SULF1: variants seen among roughly 807,000 people sequenced by gnomAD.
SULF1 encodes extracellular sulfatase Sulf-1.
Under a neutral mutation model 110.5 loss-of-function variants are expected in SULF1, and 46 were observed. The ratio of observed to expected loss-of-function variants is 0.42; its 90% CI spans 0.33 to 0.53. The LOEUF is 0.53. SULF1 is among the 20% of genes least tolerant of loss of function. SULF1 has a pLI of 0.12. For synonymous variants in SULF1, 371 were observed against 387.1 expected, an observed-to-expected ratio of 0.96 and a Z score of 0.49; for missense variants, 941 against 1,094.2, an observed-to-expected ratio of 0.86 and a Z score of 1.98.
intron 1 of SULF1, among the ~76,000 whole-genome samples, chr8:69,469,933 T>C (rs369801200): frequency 5.9e-5 from 9 of 152,176 alleles, no homozygotes; most frequent in African/African-American, 2.2e-4. Flanking sequence ...TCCCAGCTAC[T>C]TGGGAGTCTG....
chr8:69,565,375 A>T (rs1554578901), intron 5 of SULF1, among the ~76,000 whole-genome samples: 4 of 152,146 alleles, frequency 2.6e-5, no homozygotes, highest in Non-Finnish European at 5.9e-5. Flanking sequence ...AGAGCAAGTA[A>T]TTTTAGCTTT....
intron 3 of SULF1, among the ~76,000 whole-genome samples, chr8:69,561,963 A>T (rs1483375212): frequency 6.6e-6 from 1 of 152,238 alleles, no homozygotes; most frequent in Admixed American, 6.5e-5. Flanking sequence ...CATGTACAGC[A>T]ATCACTGTGG....
chr8:69,490,861 A>G (rs1809906298), upstream of SULF1, among the ~76,000 whole-genome samples: 1 of 152,210 alleles, frequency 6.6e-6, no homozygotes, highest in Non-Finnish European at 1.5e-5. Flanking sequence ...CCTGAAACCC[A>G]GGAGGGATTT....
chr8:69,589,667 A>AT (rs369746716), intron 8 of SULF1, among the ~76,000 whole-genome samples: 3,191 of 147,186 alleles, frequency 0.022, 90 homozygotes, highest in South Asian at 0.15. Flanking sequence ...AAATAACCTG[A>AT]TTTTTTTTTT....
At chr8:69,527,910 G>C (rs532401079) in intron 3 of SULF1, among the ~76,000 whole-genome samples, 1 of 152,144 alleles carries the variant, frequency 6.6e-6, no homozygotes, top group Non-Finnish European at 1.5e-5. Context: ...AAATGAGAAG[G>C]AGGGAATCTG....
intron 2 of SULF1, 68 bp downstream of exon 2, chr8:69,495,994 A>C (rs2150562580): frequency 6.6e-6 from 1 of 152,362 alleles, no homozygotes; most frequent in African/African-American, 2.4e-5. Flanking sequence ...AATGAATAGA[A>C]ATCAATCTGA....
At chr8:69,652,979 A>C (rs1812461859) in intron 22 of SULF1, among the ~76,000 whole-genome samples, 1 of 152,214 alleles carries the variant, frequency 6.6e-6, no homozygotes, top group Admixed American at 6.5e-5. Flanking sequence ...TTTTCTTTTA[A>C]CAGCATCAAT....
At chr8:69,612,946 G>C (rs1808777967) in intron 13 of SULF1, among the ~76,000 whole-genome samples, 1 of 152,012 alleles carries the variant, frequency 6.6e-6, no homozygotes, top group African/African-American at 2.4e-5. Flanking sequence ...ATGTCTAGAA[G>C]AGTTTTTCCA....
chr8:69,580,923 AT>A (rs1438054673), intron 6 of SULF1, among the ~76,000 whole-genome samples: 1 of 152,182 alleles, frequency 6.6e-6, no homozygotes, highest in Non-Finnish European at 1.5e-5. Flanking sequence ...AAGTATATTT[AT>A]TCTCTAATAT....
intron 3 of SULF1, among the ~76,000 whole-genome samples, chr8:69,540,671 A>C (rs903000850): frequency 6.6e-6 from 1 of 152,112 alleles, no homozygotes; most frequent in Non-Finnish European, 1.5e-5. Context: ...AGCACTGTGC[A>C]TTGGTGACCA....
chr8:69,647,326 A>G (rs554871746), intron 22 of SULF1, among the ~76,000 whole-genome samples: 1 of 152,260 alleles, frequency 6.6e-6, no homozygotes, highest in East Asian at 1.9e-4. Context: ...TATATTAATA[A>G]AGAGGAAAAG....
intron 14 of SULF1, 58 bp downstream of exon 14, chr8:69,621,309 TAG>T: frequency 1.5e-6 from 2 of 1,322,260 alleles, no homozygotes; most frequent in Admixed American, 4.5e-5. Context: ...GAATAAACAA[TAG>T]AGAGACGAAA....
intron 1 of SULF1, among the ~76,000 whole-genome samples, chr8:69,477,786 G>A (rs1809361391): frequency 6.6e-6 from 1 of 152,106 alleles, no homozygotes; most frequent in South Asian, 2.1e-4. Context: ...CCTTCACCTA[G>A]ATGGCATTAT....
intron 3 of SULF1, among the ~76,000 whole-genome samples, chr8:69,505,599 G>A (rs7816718): frequency 0.32 from 48,902 of 151,818 alleles, 8,199 homozygotes; most frequent in Non-Finnish European, 0.37. Flanking sequence ...AAAATTGCCC[G>A]TAGACTGTAA....
intron 3 of SULF1, among the ~76,000 whole-genome samples, chr8:69,546,399 GAGGTGAATTTCCAGGAATGCAGCACATTC>G (rs2150681266): frequency 6.6e-6 from 1 of 152,316 alleles, no homozygotes; most frequent in South Asian, 2.1e-4. Context: ...GATTCAAGCT[GAGGTGAATTTCCAGGAATGCAGCACATTC>G]TGCTGCCCTC....
At chr8:69,514,953 C>A (rs137937381) in intron 3 of SULF1, among the ~76,000 whole-genome samples, 95 of 152,330 alleles carry the variant, frequency 6.2e-4, no homozygotes, top group African/African-American at 2.2e-3. Flanking sequence ...CTCTGTGGTT[C>A]TGCAGGGTAC....
intron 8 of SULF1, among the ~76,000 whole-genome samples, chr8:69,590,226 A>G (rs956948658): frequency 3.9e-5 from 6 of 152,206 alleles, no homozygotes; most frequent in Middle Eastern, 3.4e-3. Context: ...CAGTGGTGCA[A>G]TCTTGGCTCA....
chr8:69,532,118 G>A (rs963221977), intron 3 of SULF1, among the ~76,000 whole-genome samples: 3 of 152,278 alleles, frequency 2.0e-5, no homozygotes, highest in African/African-American at 7.2e-5. Flanking sequence ...AGAACGTTGA[G>A]AAACAAACCT....
At chr8:69,594,088 G>C (rs1807106008) in intron 8 of SULF1, among the ~76,000 whole-genome samples, 1 of 149,568 alleles carries the variant, frequency 6.7e-6, no homozygotes, top group African/African-American at 2.5e-5. Context: ...TTTCACTCTT[G>C]TTGCCCAGGC....
Sources: gnomAD v4.1 joint callset for allele counts (sites outside exome capture counted in the v4.1 genomes callset) on GRCh38, gnomAD v4.1.1 for gene constraint, MANE v1.5 for transcripts, NCBI Gene and HGNC (gene_info 2026-07-23, HGNC 2026-07-21) for gene names.